Variants in CDKN2B-AS1 observed in about 807,000 individuals in gnomAD.
The protein encoded by CDKN2B-AS1 is CDKN2B antisense RNA 1 (non-protein coding).
At chr9:22,015,898 G>A (rs1240582822) in intron 1 of CDKN2B-AS1, among the ~76,000 whole-genome samples, 1 of 152,096 alleles carries the variant, frequency 6.6e-6, no homozygotes, top group South Asian at 2.1e-4. Flanking sequence ...GTCTTCTTTT[G>A]AGAAGTGTCT....
chr9:22,034,293 T>G lies in CDKN2B-AS1; in HGVS notation n.30-12458T>G, dbSNP rs550585462. ...CCTGAAGTTTGGCATGTCTCTTTTTTGGGGTGCCTCTATGATAGGTGGTAG... is the reference window on the plus strand; with the variant it reads ...CCTGAAGTTTGGCATGTCTCTTTTTGGGGGTGCCTCTATGATAGGTGGTAG... On this transcript the variant is annotated intron_variant and non_coding_transcript_variant, in intron 1 of 4. Coordinates refer to ENST00000650946, the Ensembl canonical transcript of CDKN2B-AS1. Among the ~76,000 whole-genome samples the G allele has an allele frequency of 1.6e-3, 247 of 152,284 alleles. 1 individual carries two copies. Among genetic ancestry groups the G allele is most frequent in the African/African-American group, 5.3e-3 (222 of 41,564 alleles).
intron 4 of CDKN2B-AS1, among the ~76,000 whole-genome samples, chr9:22,110,882 C>G (rs904288762): frequency 6.6e-6 from 1 of 152,060 alleles, no homozygotes; most frequent in Admixed American, 6.6e-5. Context: ...CTAGGTAATA[C>G]ATGGCTTAGT....
chr9:22,089,543 A>T (rs913888730), intron 4 of CDKN2B-AS1, among the ~76,000 whole-genome samples: 7 of 151,964 alleles, frequency 4.6e-5, no homozygotes, highest in Non-Finnish European at 8.8e-5. Flanking sequence ...TGATCTTCCC[A>T]CCTCTGCCTC....
At chr9:22,054,915 C>G (rs929993057) in intron 3 of CDKN2B-AS1, among the ~76,000 whole-genome samples, 1 of 151,798 alleles carries the variant, frequency 6.6e-6, no homozygotes, top group African/African-American at 2.4e-5. Flanking sequence ...CCATGCCTGG[C>G]TCACTTTTGT....
intron 1 of CDKN2B-AS1, among the ~76,000 whole-genome samples, chr9:22,019,673 A>T (rs1292302627): frequency 6.6e-6 from 1 of 152,112 alleles, no homozygotes. Flanking sequence ...CTCAGGGAGG[A>T]GTGTGTATCC....
At position 22,017,426 on chromosome 9, in the gene CDKN2B-AS1, A is replaced by T. The variant is rs16905562; in HGVS notation, n.29+22265A>T. 1.6e-3 allele frequency among the ~76,000 whole-genome samples: 242 copies of T among 152,316 alleles called. 3 individuals are homozygous for T. The highest frequency in any genetic ancestry group is 5.6e-3 in the African/African-American group (232 of 41,576). Reference sequence around the variant, plus strand: ...ACCCGTTTCACACAAACCCAACTGAATTCGGACTCTATATGTGCTAGGCAA... The same window carrying T: ...ACCCGTTTCACACAAACCCAACTGATTTCGGACTCTATATGTGCTAGGCAA... On this transcript the variant is annotated intron_variant and non_coding_transcript_variant, in intron 1 of 4. Transcript: ENST00000650946.
At chr9:22,009,019 T>C in intron 1 of CDKN2B-AS1, 1 of 1,602,240 alleles carries the variant, frequency 6.2e-7, no homozygotes, top group Non-Finnish European at 8.5e-7. Context: ...AACGACACTC[T>C]TCCCTTCTTT....
intron 1 of CDKN2B-AS1, chr9:22,009,274 G>C: frequency 2.0e-6 from 1 of 509,068 alleles, no homozygotes; most frequent in Non-Finnish European, 3.5e-6. Flanking sequence ...GCGTCGCGGA[G>C]TCCTCACTGC....
chr9:22,022,478 C>CT (rs1822057134), intron 1 of CDKN2B-AS1, among the ~76,000 whole-genome samples: 2 of 151,898 alleles, frequency 1.3e-5, no homozygotes, highest in East Asian at 1.9e-4. Context: ...TGGAACCCTG[C>CT]TTTTTTCTGA....
intron 1 of CDKN2B-AS1, chr9:22,009,179 C>G (rs899207319): frequency 9.3e-6 from 6 of 647,576 alleles, no homozygotes; most frequent in African/African-American, 9.2e-5. Flanking sequence ...CAAGAACCAG[C>G]GGGCGCGCCT....
Position 22,084,617 on chromosome 9 carries a change from G to C in CDKN2B-AS1, n.438+28230G>C, listed in dbSNP as rs937006653. On this transcript the variant is annotated intron_variant and non_coding_transcript_variant, in intron 4 of 4. Transcript: ENST00000650946. ...CTCTGGGAGTTCTGTTGCATGATTT[G>C]ACCTCCCAAATTGTTTTGTGGGGCA... 2.0e-5 allele frequency among the ~76,000 whole-genome samples: 3 copies of C among 152,210 alleles called. No individual in the cohort carries two copies. In the East Asian group the frequency reaches 5.8e-4, roughly 29 times the overall value.
chr9:22,100,138 A>T (rs1020104577), intron 4 of CDKN2B-AS1, among the ~76,000 whole-genome samples: 1 of 152,126 alleles, frequency 6.6e-6, no homozygotes, highest in Non-Finnish European at 1.5e-5. Context: ...TTATTCCTCT[A>T]ATTTCTTAAA....
At chr9:22,056,846 T>G (rs1278455835) in intron 4 of CDKN2B-AS1, among the ~76,000 whole-genome samples, 1 of 152,198 alleles carries the variant, frequency 6.6e-6, no homozygotes, top group African/African-American at 2.4e-5. Flanking sequence ...ATCTTCACTT[T>G]TGATGTCTAA....
intron 1 of CDKN2B-AS1, chr9:22,009,217 C>G (rs1258286924): frequency 1.7e-6 from 1 of 593,038 alleles, no homozygotes; most frequent in East Asian, 2.9e-5. Flanking sequence ...AAGCGCCTAG[C>G]GCGGACGCAG....
rs796539307 is a variant in CDKN2B-AS1, at chr9:22,003,564, T to C, written n.29+8403T>C. ...GGGAGATTTTAAAGTATCAACTGAC[T>C]TCTTTTATATAGAATGTTTTCTAAT... is the stretch of plus-strand genomic sequence containing the variant. On this transcript the variant is annotated intron_variant and non_coding_transcript_variant, in intron 1 of 4. Transcript: ENST00000650946. 19 of 229,390 alleles carry C rather than the reference T, an allele frequency of 8.3e-5. 1 individual carries two copies. Among genetic ancestry groups the C allele is most frequent in the African/African-American group, 4.2e-4 (19 of 45,288 alleles). The allele number at this position is 229,390 out of a possible 1,614,324, so 14.2% of individuals were successfully genotyped here.
chr9:22,037,102 T>G (rs888553338), intron 1 of CDKN2B-AS1, among the ~76,000 whole-genome samples: 2 of 152,084 alleles, frequency 1.3e-5, no homozygotes, highest in African/African-American at 4.8e-5. Context: ...TTTGTGTTAT[T>G]CAAGGATTCT....
chr9:22,086,119 T>C (rs760977048), intron 4 of CDKN2B-AS1, among the ~76,000 whole-genome samples: 17 of 152,106 alleles, frequency 1.1e-4, no homozygotes, highest in Non-Finnish European at 2.5e-4. Flanking sequence ...ATTCAACATA[T>C]TTAAAATTGG....
intron 4 of CDKN2B-AS1, among the ~76,000 whole-genome samples, chr9:22,076,089 T>A (rs185622365): frequency 1.3e-5 from 2 of 152,286 alleles, no homozygotes; most frequent in East Asian, 1.9e-4. Context: ...GTCTTGCTCT[T>A]GTCATCCAGG....
intron 1 of CDKN2B-AS1, among the ~76,000 whole-genome samples, chr9:22,034,719 C>T (rs745321108): frequency 6.6e-6 from 1 of 152,062 alleles, no homozygotes; most frequent in Non-Finnish European, 1.5e-5. Context: ...TAGCTTGTTT[C>T]GCTTTTGAGG....
Sources: allele counts gnomAD v4.1 joint callset (sites outside exome capture counted in the v4.1 genomes callset), GRCh38; gene constraint gnomAD v4.1.1; transcripts MANE v1.5; gene names NCBI Gene and HGNC (gene_info 2026-07-23, HGNC 2026-07-21).